Variants in ERBB4 observed in about 807,000 individuals in gnomAD.
ERBB4 encodes the protein erb-b2 receptor tyrosine kinase 4, also known as receptor tyrosine-protein kinase erbB-4.
In ERBB4, 42 loss-of-function variants were observed where a neutral mutation model predicts 158.0. That is an observed-to-expected ratio of 0.27 (90% CI 0.21 to 0.34). The LOEUF (loss-of-function observed/expected upper bound fraction) is 0.34, where lower values mean the gene tolerates loss of function less well. ERBB4 is among the 10% of genes least tolerant of loss of function. ERBB4 has a pLI of 1.00. For missense variants in ERBB4, 1,333 were observed against 1,624.1 expected, an observed-to-expected ratio of 0.82 and a Z score of 3.08; for synonymous variants, 583 against 558.7, an observed-to-expected ratio of 1.04 and a Z score of -0.61.
chr2:211,542,796 C>G (rs1352854751), intron 20 of ERBB4, among the ~76,000 whole-genome samples: 1 of 151,914 alleles, frequency 6.6e-6, no homozygotes, highest in African/African-American at 2.4e-5. Flanking sequence ...AACCACAACT[C>G]TCCCAGGAGT....
At chr2:212,434,461 A>C (rs1178950251) in intron 1 of ERBB4, among the ~76,000 whole-genome samples, 1 of 151,914 alleles carries the variant, frequency 6.6e-6, no homozygotes, top group Non-Finnish European at 1.5e-5. Context: ...CGAAGAACTA[A>C]GTAACACATA....
intron 1 of ERBB4, among the ~76,000 whole-genome samples, chr2:212,415,714 T>A (rs13388956): frequency 6.6e-6 from 1 of 152,032 alleles, no homozygotes. Context: ...GAGTTAAATA[T>A]GAAAATGAGT....
intron 1 of ERBB4, among the ~76,000 whole-genome samples, chr2:212,420,670 C>G (rs895937248): frequency 3.3e-5 from 5 of 152,140 alleles, no homozygotes; most frequent in Admixed American, 6.6e-5. Flanking sequence ...AAGGAACACT[C>G]TCACTATTCT....
chr2:211,606,516 T>G (rs893490408), intron 19 of ERBB4, among the ~76,000 whole-genome samples: 2 of 152,060 alleles, frequency 1.3e-5, no homozygotes, highest in Non-Finnish European at 2.9e-5. Flanking sequence ...GGTTTCTCTC[T>G]AATAAACCTA....
intron 2 of ERBB4, among the ~76,000 whole-genome samples, chr2:212,065,311 CA>C (rs2125433209): frequency 6.6e-6 from 1 of 152,062 alleles, no homozygotes; most frequent in East Asian, 1.9e-4. Flanking sequence ...AAAGCACTTT[CA>C]TTTTTGTGTA....
chr2:211,888,714 G>A (rs1018340607), intron 3 of ERBB4, among the ~76,000 whole-genome samples: 2 of 152,074 alleles, frequency 1.3e-5, no homozygotes, highest in Non-Finnish European at 2.9e-5. Flanking sequence ...AGCCGAAGCA[G>A]GGCGAGGCAT....
intron 1 of ERBB4, among the ~76,000 whole-genome samples, chr2:212,428,277 A>G (rs1186189085): frequency 1.3e-5 from 2 of 152,186 alleles, no homozygotes; most frequent in African/African-American, 4.8e-5. Flanking sequence ...AGTGGTTGGA[A>G]CAATGCTTTA....
At chr2:211,700,476 A>G (rs1224540957) in intron 12 of ERBB4, among the ~76,000 whole-genome samples, 2 of 152,178 alleles carry the variant, frequency 1.3e-5, no homozygotes, top group African/African-American at 4.8e-5. Context: ...GTTGTAATAG[A>G]TCTCCTTTAT....
At chr2:212,080,689 A>AC (rs1422278892) in intron 2 of ERBB4, among the ~76,000 whole-genome samples, 32 of 152,034 alleles carry the variant, frequency 2.1e-4, no homozygotes, top group Admixed American at 7.2e-4. Flanking sequence ...AAAAAAAAAA[A>AC]AAAAACCTCT....
intron 20 of ERBB4, among the ~76,000 whole-genome samples, chr2:211,527,748 T>G (rs2066387823): frequency 6.6e-6 from 1 of 151,926 alleles, no homozygotes; most frequent in African/African-American, 2.4e-5. Context: ...AGTTTTCTTT[T>G]TGTTTGTTTG....
At chr2:211,989,606 A>G (rs1449658502) in intron 2 of ERBB4, among the ~76,000 whole-genome samples, 10 of 151,804 alleles carry the variant, frequency 6.6e-5, no homozygotes, top group Admixed American at 5.3e-4. Context: ...TACCAAGACC[A>G]CCATCTTATT....
intron 2 of ERBB4, among the ~76,000 whole-genome samples, chr2:212,020,909 T>C (rs935194075): frequency 3.9e-5 from 6 of 152,250 alleles, no homozygotes; most frequent in Admixed American, 3.9e-4. Context: ...TCATATTTTT[T>C]TTACTGCTAC....
chr2:211,733,048 T>G (rs1022489142), intron 5 of ERBB4, among the ~76,000 whole-genome samples: 3 of 152,214 alleles, frequency 2.0e-5, no homozygotes, highest in Non-Finnish European at 2.9e-5. Context: ...TTTGACCTGA[T>G]GAATCCCTGG....
At chr2:211,986,584 C>T (rs1386546621) in intron 2 of ERBB4, among the ~76,000 whole-genome samples, 1 of 152,176 alleles carries the variant, frequency 6.6e-6, no homozygotes, top group African/African-American at 2.4e-5. Flanking sequence ...TTTAATTTCA[C>T]ACTTGAGAGT....
intron 1 of ERBB4, among the ~76,000 whole-genome samples, chr2:212,134,676 CTTTTTTTTT>C (rs869141215): frequency 2.9e-5 from 2 of 69,056 alleles, no homozygotes; most frequent in Non-Finnish European, 5.1e-5. Flanking sequence ...TAAACACTTT[CTTTTTTTTT>C]TTTTTTTTTT....
intron 1 of ERBB4, among the ~76,000 whole-genome samples, chr2:212,130,236 A>G (rs1326333121): frequency 6.6e-6 from 1 of 152,148 alleles, no homozygotes; most frequent in Non-Finnish European, 1.5e-5. Context: ...TCAAAAATCC[A>G]AAATTTACAT....
At chr2:211,992,399 C>G (rs1236804344) in intron 2 of ERBB4, among the ~76,000 whole-genome samples, 3 of 152,036 alleles carry the variant, frequency 2.0e-5, no homozygotes, top group Non-Finnish European at 2.9e-5. Context: ...ATGGGAAAGA[C>G]TGCCCCCCAT....
chr2:212,058,224 C>T (rs910959794), intron 2 of ERBB4, among the ~76,000 whole-genome samples: 4 of 152,164 alleles, frequency 2.6e-5, no homozygotes, highest in Non-Finnish European at 5.9e-5. Flanking sequence ...CATACACCCT[C>T]CCAAGACTAA....
chr2:212,453,561 G>A (rs6715328), intron 1 of ERBB4, among the ~76,000 whole-genome samples: 1 of 151,942 alleles, frequency 6.6e-6, no homozygotes, highest in Non-Finnish European at 1.5e-5. Flanking sequence ...TTGATATTAG[G>A]TTAATTTCTT....
Sources: allele counts gnomAD v4.1 joint callset (sites outside exome capture counted in the v4.1 genomes callset), GRCh38; gene constraint gnomAD v4.1.1; transcripts MANE v1.5; gene names NCBI Gene and HGNC (gene_info 2026-07-23, HGNC 2026-07-21).